DSE: variants seen among roughly 807,000 people sequenced by gnomAD.
DSE encodes dermatan-sulfate epimerase.
Under a neutral mutation model 84.4 loss-of-function variants are expected in DSE, and 36 were observed. The ratio of observed to expected loss-of-function variants is 0.43; its 90% CI spans 0.33 to 0.56. The LOEUF is 0.56. DSE is among the 20% of genes least tolerant of loss of function. The pLI, the probability that DSE is intolerant of heterozygous loss-of-function variation, is 0.06. For missense variants in DSE, 862 were observed against 1,169.6 expected, an observed-to-expected ratio of 0.74 and a Z score of 3.84; for synonymous variants, 410 against 430.1, an observed-to-expected ratio of 0.95 and a Z score of 0.58.
chr6:116,338,467 A>T (rs1006581023), intron 2 of DSE, among the ~76,000 whole-genome samples: 3 of 150,696 alleles, frequency 2.0e-5, no homozygotes, highest in African/African-American at 7.3e-5. Context: ...CAGGCGATCC[A>T]CCCGCCTCAG....
intron 2 of DSE, among the ~76,000 whole-genome samples, chr6:116,414,252 G>T (rs1782561039): frequency 6.6e-6 from 1 of 152,166 alleles, no homozygotes; most frequent in Admixed American, 6.5e-5. Flanking sequence ...ATCCTAAGCT[G>T]CTCTCCTAGC....
At chr6:116,393,205 C>T (rs1781024874) in intron 1 of DSE, among the ~76,000 whole-genome samples, 2 of 152,128 alleles carry the variant, frequency 1.3e-5, no homozygotes, top group South Asian at 4.1e-4. Context: ...TAGTTAATAG[C>T]TCATTTAATC....
intron 2 of DSE, among the ~76,000 whole-genome samples, chr6:116,272,634 A>T (rs565742707): frequency 3.3e-5 from 5 of 152,312 alleles, no homozygotes; most frequent in Admixed American, 3.3e-4. Context: ...GTATTCCCTA[A>T]CTTAAGGAGT....
chr6:116,371,931 G>A (rs1317680516), intron 1 of DSE, among the ~76,000 whole-genome samples: 1 of 152,202 alleles, frequency 6.6e-6, no homozygotes, highest in Non-Finnish European at 1.5e-5. Flanking sequence ...GGAAACCGAA[G>A]CCTTTGGTTA....
chr6:116,258,963 G>A, exon 2 of DSE: 1 of 1,492,382 alleles, frequency 6.7e-7, no homozygotes, highest in Non-Finnish European at 9.3e-7. Context: ...ACCCTGCACT[G>A]TGAGGTAGGT....
chr6:116,373,082 C>T (rs1158909966), intron 1 of DSE, among the ~76,000 whole-genome samples: 1 of 148,716 alleles, frequency 6.7e-6, no homozygotes, highest in African/African-American at 2.5e-5. Flanking sequence ...GGGCTGGGTG[C>T]GGTGGCTCAC....
rs77331560 is a variant in DSE, at chr6:116,340,229, C to T, written c.-53-58969C>T. On this transcript the variant is annotated intron_variant, in intron 2 of 3. Coordinates refer to the DSE transcript ENST00000430252. ...TTTAAAAATATTTTTCTGTCTCCTT[C>T]TCTCTCTTGTTTCCTTCTGGAGCTC... 8.7e-3 allele frequency among the ~76,000 whole-genome samples: 1,323 copies of T among 152,200 alleles called. 9 individuals are homozygous for T. Among genetic ancestry groups the T allele is most frequent in the Non-Finnish European group, 0.015 (994 of 68,002 alleles).
Position 116,279,594 on chromosome 6 carries a change from AC to A in DSE, c.-54+20629del, listed in dbSNP as rs776649638. The A allele has an allele frequency of 6.2e-7, 1 of 1,601,890 alleles. No homozygotes were observed. The highest frequency in any genetic ancestry group is 8.5e-7 in the Non-Finnish European group (1 of 1,179,798). ...CCCCAACAACTCGGATCTGGGGAGT[AC>A]CGCCACGGCCCGCGGCATCCTGGGG... is the stretch of plus-strand genomic sequence containing the variant. On this transcript the variant is annotated intron_variant, in intron 2 of 3. Transcript: ENST00000430252.
chr6:116,265,186 G>A (rs1209008780), intron 2 of DSE, among the ~76,000 whole-genome samples: 1 of 152,108 alleles, frequency 6.6e-6, no homozygotes, highest in African/African-American at 2.4e-5. Context: ...GGAAGGAGTG[G>A]CCCCAGATGG....
intron 1 of DSE, 52 bp from the exon 2 acceptor site, chr6:116,399,146 T>C: frequency 6.8e-7 from 1 of 1,465,988 alleles, no homozygotes; most frequent in Non-Finnish European, 9.3e-7. Context: ...TCCACACCTG[T>C]GCCATGTTCC....
Position 116,348,026 on chromosome 6 carries a change from C to T in DSE, c.-53-51172C>T, listed in dbSNP as rs534470533. On this transcript the variant is annotated intron_variant, in intron 2 of 3. Coordinates refer to the DSE transcript ENST00000430252. The stretch of plus-strand genomic sequence containing the variant: ...TTCTCAAAAGAAGACATTTTTGCAC[C>T]CAACGGACACATTAAAAAATGGTCA... Among the ~76,000 whole-genome samples the T allele has an allele frequency of 2.6e-5, 4 of 152,190 alleles. No individual in the cohort carries two copies. In the South Asian group the frequency reaches 8.3e-4, roughly 32 times the overall value.
At chr6:116,430,608 C>T (rs144222459) in intron 3 of DSE, among the ~76,000 whole-genome samples, 2,054 of 151,984 alleles carry the variant, frequency 0.014, 45 homozygotes, top group African/African-American at 0.045. Flanking sequence ...GTGGCGCGAT[C>T]TCCGCTCACT....
At chr6:116,319,004 A>C (rs1284108087) in intron 2 of DSE, among the ~76,000 whole-genome samples, 1 of 152,196 alleles carries the variant, frequency 6.6e-6, no homozygotes, top group South Asian at 2.1e-4. Context: ...AAAATGCTTC[A>C]GTAGTCTCTT....
At chr6:116,358,575 T>C (rs138962264) in intron 2 of DSE, among the ~76,000 whole-genome samples, 59 of 152,340 alleles carry the variant, frequency 3.9e-4, no homozygotes, top group African/African-American at 1.3e-3. Context: ...GCTTCTAGGC[T>C]GTGGGGAACC....
At chr6:116,353,015 T>C (rs1778393518) in intron 2 of DSE, among the ~76,000 whole-genome samples, 2 of 152,232 alleles carry the variant, frequency 1.3e-5, no homozygotes, top group African/African-American at 4.8e-5. Flanking sequence ...TAACAGTCCC[T>C]TAATAGGGTA....
At chr6:116,341,804 G>C (rs893338087) in intron 2 of DSE, among the ~76,000 whole-genome samples, 1 of 152,190 alleles carries the variant, frequency 6.6e-6, no homozygotes, top group Non-Finnish European at 1.5e-5. Flanking sequence ...GATGGTTGTA[G>C]ATGTGTGCTA....
intron 1 of DSE, among the ~76,000 whole-genome samples, chr6:116,379,208 C>G (rs1780088520): frequency 6.6e-6 from 1 of 152,056 alleles, no homozygotes; most frequent in Admixed American, 6.6e-5. Flanking sequence ...GGAAAATGCA[C>G]TCTGAGCTGA....
At chr6:116,413,879 G>A (rs894369338) in intron 2 of DSE, among the ~76,000 whole-genome samples, 15 of 152,060 alleles carry the variant, frequency 9.9e-5, no homozygotes, top group African/African-American at 3.4e-4. Flanking sequence ...ATTTGACTAC[G>A]GTTTTTCCCA....
intron 2 of DSE, among the ~76,000 whole-genome samples, chr6:116,322,038 C>T (rs1776355374): frequency 6.6e-6 from 1 of 152,102 alleles, no homozygotes; most frequent in African/African-American, 2.4e-5. Context: ...GCCGAGCTCC[C>T]CAAGTGAGCA....
Sources: allele counts gnomAD v4.1 joint callset (sites outside exome capture counted in the v4.1 genomes callset), GRCh38; gene constraint gnomAD v4.1.1; transcripts MANE v1.5; gene names NCBI Gene and HGNC (gene_info 2026-07-23, HGNC 2026-07-21).